Variants in GPR158 observed in about 807,000 individuals in gnomAD.
GPR158 encodes the protein G protein-coupled receptor 158, also known as metabotropic glycine receptor.
A neutral mutation model predicts 78.2 loss-of-function variants in GPR158; 30 were observed. The ratio of observed to expected loss-of-function variants is 0.38; its 90% CI spans 0.29 to 0.52. The LOEUF is 0.52. GPR158 is among the 20% of genes least tolerant of loss of function. The probability of loss-of-function intolerance (pLI) is 0.83; values close to 1 mark genes in which losing one functional copy is unlikely to be tolerated. For missense variants in GPR158, 1,463 were observed against 1,523.5 expected, an observed-to-expected ratio of 0.96 and a Z score of 0.66; for synonymous variants, 581 against 591.1, an observed-to-expected ratio of 0.98 and a Z score of 0.25.
intron 5 of GPR158, among the ~76,000 whole-genome samples, chr10:25,527,795 CAAGACTGATCAAGAAAA>C (rs1836369984): frequency 6.6e-6 from 1 of 151,764 alleles, no homozygotes; most frequent in African/African-American, 2.4e-5. Flanking sequence ...AAACCTCTGG[CAAGACTGATCAAGAAAA>C]AAATGGAATA....
At chr10:25,366,105 T>C (rs1855719509) in intron 2 of GPR158, among the ~76,000 whole-genome samples, 1 of 151,410 alleles carries the variant, frequency 6.6e-6, no homozygotes, top group Non-Finnish European at 1.5e-5. Flanking sequence ...ATAGCACAAT[T>C]TATTTCTTCA....
intron 7 of GPR158, among the ~76,000 whole-genome samples, chr10:25,582,482 C>T (rs781220651): frequency 2.6e-5 from 4 of 152,142 alleles, no homozygotes; most frequent in East Asian, 1.9e-4. Flanking sequence ...CCCATTCTAG[C>T]GAAGTGTGAA....
At chr10:25,569,182 G>A (rs373325815) in intron 6 of GPR158, among the ~76,000 whole-genome samples, 6 of 152,300 alleles carry the variant, frequency 3.9e-5, no homozygotes, top group South Asian at 2.1e-4. Context: ...CTCTTGAAAT[G>A]AGATTATAGG....
At chr10:25,313,920 T>C (rs1214809491) in intron 2 of GPR158, among the ~76,000 whole-genome samples, 1 of 152,204 alleles carries the variant, frequency 6.6e-6, no homozygotes. Context: ...ATCCGGTCTT[T>C]AAAGGTTTGG....
At chr10:25,370,391 G>T (rs1833969715) in intron 2 of GPR158, among the ~76,000 whole-genome samples, 1 of 96,566 alleles carries the variant, frequency 1.0e-5, no homozygotes, top group Non-Finnish European at 2.3e-5. Context: ...TGGTTTCAAA[G>T]AACATCTTTA....
chr10:25,582,924 C>A (rs1837222452), intron 7 of GPR158, among the ~76,000 whole-genome samples: 1 of 152,126 alleles, frequency 6.6e-6, no homozygotes. Flanking sequence ...TAAATACAAA[C>A]AATTGCTGCC....
intron 6 of GPR158, among the ~76,000 whole-genome samples, chr10:25,562,318 A>C (rs1194320490): frequency 6.6e-6 from 1 of 151,944 alleles, no homozygotes; most frequent in African/African-American, 2.4e-5. Flanking sequence ...TCTAATATTT[A>C]TTATTTTCTC....
At chr10:25,409,006 G>A (rs1391141122) in intron 3 of GPR158, among the ~76,000 whole-genome samples, 1 of 152,152 alleles carries the variant, frequency 6.6e-6, no homozygotes, top group Non-Finnish European at 1.5e-5. Context: ...GAGTAAGGTT[G>A]ACAATGGAGA....
intron 6 of GPR158, among the ~76,000 whole-genome samples, chr10:25,562,845 A>C (rs1836876414): frequency 6.6e-6 from 1 of 152,162 alleles, no homozygotes; most frequent in South Asian, 2.1e-4. Context: ...ATGTGCAGAT[A>C]TCCAATCCAT....
intron 2 of GPR158, among the ~76,000 whole-genome samples, chr10:25,362,554 A>G (rs180944195): frequency 3.4e-4 from 51 of 152,020 alleles, no homozygotes; most frequent in African/African-American, 9.4e-4. Context: ...GTACATCTTC[A>G]TAATGTTAAT....
chr10:25,484,373 C>T (rs1460686060), intron 5 of GPR158, among the ~76,000 whole-genome samples: 2 of 152,276 alleles, frequency 1.3e-5, no homozygotes, highest in African/African-American at 4.8e-5. Context: ...GAAAGGTTAA[C>T]TCAAAAATTG....
chr10:25,444,356 A>G (rs1835109029), intron 4 of GPR158, among the ~76,000 whole-genome samples: 1 of 150,894 alleles, frequency 6.6e-6, no homozygotes, highest in South Asian at 2.1e-4. Context: ...GTGGAAGTGT[A>G]TGCGTGCGGT....
chr10:25,225,180 T>G (rs991121152), intron 2 of GPR158, among the ~76,000 whole-genome samples: 1 of 146,498 alleles, frequency 6.8e-6, no homozygotes, highest in African/African-American at 2.6e-5. Flanking sequence ...TTGGAACATT[T>G]GCCTTTTTTT....
chr10:25,598,295 A>C lies in GPR158; in HGVS notation c.2669A>C (p.Lys890Thr). 1.9e-6 allele frequency: 3 copies of C among 1,614,116 alleles called. No individual in the cohort carries two copies. The highest frequency in any genetic ancestry group is 2.7e-5 in the African/African-American group (2 of 75,028). ...ASAHNLSSEK[K>T]TGHPRTSMLQ... is the part of the protein sequence containing the mutation. ...GCTCACAACCTCAGCTCAGAGAAGA[A>C]AACTGGGCACCCACGAACATCGATG... The change falls in exon 11 of 11, where the codon AAA (lysine) becomes ACA (threonine). Residue 890 changes from lysine (K) to threonine (T), a missense_variant. By Grantham distance (78) the Lys-to-Thr change is moderately conservative. Transcript: ENST00000376351.
chr10:25,186,291 C>G (rs1352347452), intron 1 of GPR158, among the ~76,000 whole-genome samples: 1 of 151,836 alleles, frequency 6.6e-6, no homozygotes, highest in Non-Finnish European at 1.5e-5. Context: ...AAATTGACAC[C>G]CTAACATCAC....
rs550672401 is a variant in GPR158, at chr10:25,598,050, A to G, written c.2424A>G (p.Lys808=). Residue 808 remains lysine, a synonymous_variant, in exon 11 of 11, where the codon AAA becomes AAG. Coordinates refer to ENST00000376351, the MANE Select transcript of GPR158 (RefSeq NM_020752.3). ...NTGKSKEETL[K]NRVFSLKKSH... is the part of the protein sequence containing the mutation. ...GGAAATCCAAGGAGGAGACCCTGAA[A>G]AACCGAGTCTTCTCACTCAAGAAAT... The G allele has an allele frequency of 1.7e-5, 28 of 1,614,110 alleles. No homozygotes were observed. Among genetic ancestry groups the G allele is most frequent in the Middle Eastern group, 1.6e-4 (1 of 6,062 alleles).
chr10:25,348,904 A>G (rs1277321364), intron 2 of GPR158, among the ~76,000 whole-genome samples: 2 of 152,022 alleles, frequency 1.3e-5, no homozygotes, highest in Admixed American at 1.3e-4. Context: ...TCTACTTTGG[A>G]GCCTAAAGAA....
At chr10:25,373,045 A>G (rs1767368004) in intron 2 of GPR158, among the ~76,000 whole-genome samples, 1 of 151,810 alleles carries the variant, frequency 6.6e-6, no homozygotes, top group Admixed American at 6.6e-5. Flanking sequence ...GCATGGAATC[A>G]ACCTAAATGC....
At chr10:25,397,524 C>T (rs1018437828) in intron 3 of GPR158, among the ~76,000 whole-genome samples, 1 of 152,190 alleles carries the variant, frequency 6.6e-6, no homozygotes, top group Admixed American at 6.5e-5. Flanking sequence ...GAGATTGAGA[C>T]CTGAATGTCT....
Sources: gnomAD v4.1 joint callset for allele counts (sites outside exome capture counted in the v4.1 genomes callset) on GRCh38, gnomAD v4.1.1 for gene constraint, MANE v1.5 for transcripts, NCBI Gene and HGNC (gene_info 2026-07-23, HGNC 2026-07-21) for gene names.